SLC2A12: variants seen among roughly 807,000 people sequenced by gnomAD.
The protein encoded by SLC2A12 is solute carrier family 2 member 12.
SLC2A12 carries 23 observed loss-of-function variants against 41.8 expected under a neutral mutation model. The observed-to-expected ratio is 0.55, with a 90% CI of 0.40 to 0.78. SLC2A12 has a LOEUF of 0.78. SLC2A12 is among the 30% of genes least tolerant of loss of function. The pLI, the probability that SLC2A12 is intolerant of heterozygous loss-of-function variation, is 0.00. For synonymous variants in SLC2A12, 295 were observed against 285.9 expected, an observed-to-expected ratio of 1.03 and a Z score of -0.32; for missense variants, 654 against 745.6, an observed-to-expected ratio of 0.88 and a Z score of 1.43.
At chr6:134,040,058 G>GTTTTTTTTTTTTTTTTTTTTTTTTTT (rs11371413) in intron 1 of SLC2A12, among the ~76,000 whole-genome samples, 2 of 139,330 alleles carry the variant, frequency 1.4e-5, no homozygotes, top group Admixed American at 7.1e-5. Flanking sequence ...GTTGTTTTTT[G>GTTTTTTTTTTTTTTTTTTTTTTTTTT]TTTTTTTTTT....
chr6:134,040,851 G>A (rs954851521), intron 1 of SLC2A12, among the ~76,000 whole-genome samples: 7 of 152,182 alleles, frequency 4.6e-5, no homozygotes, highest in African/African-American at 1.7e-4. Context: ...TACCCATGTA[G>A]GAAAAGTAGA....
intron 1 of SLC2A12, among the ~76,000 whole-genome samples, chr6:134,033,164 T>C (rs1202015351): frequency 6.6e-6 from 1 of 152,010 alleles, no homozygotes; most frequent in African/African-American, 2.4e-5. Flanking sequence ...GCACTTCAAG[T>C]AGGGCCTTGT....
At chr6:134,005,659 TAA>T (rs56710009) in intron 3 of SLC2A12, among the ~76,000 whole-genome samples, 11 of 64,970 alleles carry the variant, frequency 1.7e-4, no homozygotes, top group African/African-American at 6.7e-4. Flanking sequence ...GACTCTGTCT[TAA>T]AAAAAAAAAA....
chr6:134,006,700 T>C, intron 3 of SLC2A12, 112 bp downstream of exon 3: 1 of 1,392,156 alleles, frequency 7.2e-7, no homozygotes, highest in Middle Eastern at 1.9e-4. Context: ...GCCGTTCTCC[T>C]TCTAAGTGTG....
chr6:134,044,144 A>G (rs997528296), intron 1 of SLC2A12, among the ~76,000 whole-genome samples: 1 of 152,136 alleles, frequency 6.6e-6, no homozygotes, highest in Non-Finnish European at 1.5e-5. Flanking sequence ...AGGAGTCTCC[A>G]GGGACTGGCT....
chr6:134,022,522 A>T (rs1777054100), intron 2 of SLC2A12, among the ~76,000 whole-genome samples: 1 of 148,254 alleles, frequency 6.7e-6, no homozygotes, highest in South Asian at 2.1e-4. Flanking sequence ...CAAGAGTGAA[A>T]CTCCATCTCA....
intron 1 of SLC2A12, among the ~76,000 whole-genome samples, chr6:134,048,081 C>T (rs1048430335): frequency 6.6e-6 from 1 of 152,232 alleles, no homozygotes; most frequent in East Asian, 1.9e-4. Flanking sequence ...ATGTTCGCAG[C>T]CTTTTCCCTT....
rs753286038 is a variant in SLC2A12 at position 134,029,007 on chromosome 6, T to G, written c.818A>C (p.Asp273Ala). ...YSFWDLFRSK[D>A]NMRTRIMIGL... is the part of the protein sequence containing the mutation. ...TATCATTATTCGGGTCCGCATGTTG[T>G]CTTTTGAACGAAACAGATCCCAAAA... Residue 273 changes from aspartate to alanine, a missense_variant, in exon 2 of 5, where the codon GAC becomes GCC. By Grantham distance (126) the Asp-to-Ala change is moderately radical. This residue lies in a region of SLC2A12 where 411 missense variants were observed against 412.1 expected (regional missense o/e 1.00). Transcript: ENST00000275230. 3 of 1,614,224 alleles carry G rather than the reference T, an allele frequency of 1.9e-6. No homozygotes were observed. In the East Asian group the frequency reaches 6.7e-5, roughly 36 times the overall value.
chr6:134,000,925 C>A (rs1428502169), intron 4 of SLC2A12, among the ~76,000 whole-genome samples: 1 of 152,096 alleles, frequency 6.6e-6, no homozygotes, highest in Non-Finnish European at 1.5e-5. Context: ...CTAATCTTAG[C>A]CTTAGCAAGT....
intron 2 of SLC2A12, among the ~76,000 whole-genome samples, chr6:134,008,690 C>G (rs758112245): frequency 4.6e-5 from 7 of 152,198 alleles, no homozygotes; most frequent in Non-Finnish European, 8.8e-5. Flanking sequence ...TCTGGTGAAG[C>G]CTTTGTAATG....
chr6:134,027,863 G>A (rs1777135771), intron 2 of SLC2A12, among the ~76,000 whole-genome samples: 1 of 152,156 alleles, frequency 6.6e-6, no homozygotes, highest in East Asian at 1.9e-4. Flanking sequence ...AAGTGCCATG[G>A]GAGGCTACTC....
intron 1 of SLC2A12, among the ~76,000 whole-genome samples, chr6:134,048,975 G>A (rs528697422): frequency 3.3e-5 from 5 of 152,260 alleles, no homozygotes; most frequent in East Asian, 3.9e-4. Context: ...CAGGCCTGAC[G>A]AAATTCCAGG....
Position 134,006,188 on chromosome 6 carries a change from A to C in SLC2A12, c.1567+624T>G, listed in dbSNP as rs556047435. Among the ~76,000 whole-genome samples the C allele has an allele frequency of 1.6e-3, 220 of 141,424 alleles. 2 individuals are homozygous for C. The highest frequency in any genetic ancestry group is 4.7e-3 in the African/African-American group (182 of 38,898). 92.8% of individuals were successfully genotyped at this position (141,424 alleles called of 152,430 possible). A position where few individuals can be genotyped will look rare whatever the true frequency, so the allele number is the denominator to read the frequency against. On this transcript the variant is annotated intron_variant, in intron 3 of 4. Coordinates refer to ENST00000275230, the MANE Select transcript of SLC2A12 (RefSeq NM_145176.3). Reference sequence around the variant, plus strand: ...AGAGAGACTATCGGAAAAAAAAAAAAAAAACAAAAAAAAAAACAGAGAAAC... The same window carrying C: ...AGAGAGACTATCGGAAAAAAAAAAACAAAACAAAAAAAAAAACAGAGAAAC...
intron 4 of SLC2A12, among the ~76,000 whole-genome samples, chr6:133,991,766 A>G (rs968300160): frequency 1.3e-5 from 2 of 152,238 alleles, no homozygotes; most frequent in Non-Finnish European, 1.5e-5. Context: ...CTAAAAATGA[A>G]GAGCTGCCTT....
intron 2 of SLC2A12, among the ~76,000 whole-genome samples, chr6:134,023,884 G>T (rs1191643711): frequency 6.6e-6 from 1 of 152,146 alleles, no homozygotes; most frequent in East Asian, 1.9e-4. Context: ...TGATGATTTT[G>T]TGCTGTGTTA....
At chr6:134,012,797 GTCTC>G (rs916761245) in intron 2 of SLC2A12, among the ~76,000 whole-genome samples, 2 of 151,994 alleles carry the variant, frequency 1.3e-5, no homozygotes, top group Non-Finnish European at 2.9e-5. Flanking sequence ...ACTAGGCTCT[GTCTC>G]TACAAAAAAT....
chr6:134,010,184 A>T (rs529899478), intron 2 of SLC2A12, among the ~76,000 whole-genome samples: 2 of 152,336 alleles, frequency 1.3e-5, no homozygotes, highest in South Asian at 4.1e-4. Context: ...TTATAATAAC[A>T]GGTGGGAGTT....
At chr6:134,030,984 G>C (rs917467638) in intron 1 of SLC2A12, among the ~76,000 whole-genome samples, 5 of 152,236 alleles carry the variant, frequency 3.3e-5, no homozygotes, top group African/African-American at 1.2e-4. Flanking sequence ...TAGCAGGGAG[G>C]AGTTTGTTGC....
chr6:134,044,018 A>G (rs1158525426), intron 1 of SLC2A12, among the ~76,000 whole-genome samples: 2 of 151,960 alleles, frequency 1.3e-5, no homozygotes, highest in African/African-American at 2.4e-5. Flanking sequence ...AGCTCCCTGA[A>G]CGTGCCATTC....
Sources: gnomAD v4.1 joint callset for allele counts (sites outside exome capture counted in the v4.1 genomes callset) on GRCh38, gnomAD v4.1.1 for gene constraint, gnomAD v4.1.1 regional missense constraint, MANE v1.5 for transcripts, NCBI Gene and HGNC (gene_info 2026-07-23, HGNC 2026-07-21) for gene names.